The following PGLYRP3 variants were observed in gnomAD, a reference collection of about 807,000 sequenced individuals.
The protein encoded by PGLYRP3 is peptidoglycan recognition protein 3, also known as peptidoglycan recognition protein I alpha.
A neutral mutation model predicts 36.0 loss-of-function variants in PGLYRP3; 39 were observed. The ratio of observed to expected loss-of-function variants is 1.08; its 90% confidence interval spans 0.84 to 1.41. PGLYRP3 has a LOEUF of 1.41. Ranked by LOEUF, PGLYRP3 falls within the 40% of genes most tolerant of loss-of-function variation. The pLI is 0.00. For synonymous variants in PGLYRP3, 204 were observed against 172.8 expected, an observed-to-expected ratio of 1.18 and a Z score of -1.42; for missense variants, 407 against 427.9, an observed-to-expected ratio of 0.95 and a Z score of 0.43.
chr1:153,302,327 G>A (rs1659616588), intron 6 of PGLYRP3, 82 bp downstream of exon 6: 1 of 1,479,442 alleles, frequency 6.8e-7, no homozygotes. Context: ...GAGAGGCTCA[G>A]GAAACATCAG....
Position 153,297,581 on chromosome 1 carries a change from GAAGAAAGA to G in PGLYRP3, c.*367_*374del, listed in dbSNP as rs202027575. Among the ~76,000 whole-genome samples, 17 of 48,466 alleles carry G rather than the reference GAAGAAAGA, an allele frequency of 3.5e-4. No homozygotes were observed. The highest frequency in any genetic ancestry group is 2.3e-3 in the East Asian group (8 of 3,518). The allele number at this position is 48,466 out of a possible 152,430, so 31.8% of individuals were successfully genotyped here. A position where few individuals can be genotyped will look rare whatever the true frequency, so the allele number is the denominator to read the frequency against. On this transcript the variant is annotated 3_prime_UTR_variant, in exon 8 of 8. Coordinates refer to ENST00000683862, the MANE Select transcript of PGLYRP3 (RefSeq NM_052891.3). ...AAAGAAAAAGAAAGAAAGAAAGAAAGAAGAAAGAAAGAAAGAAAGAAAGAGAAAGGAAG... is the reference window on the plus strand; with the variant it reads ...AAAGAAAAAGAAAGAAAGAAAGAAAGAAGAAAGAAAGAAAGAGAAAGGAAG...
intron 1 of PGLYRP3, among the ~76,000 whole-genome samples, chr1:153,311,750 G>T (rs1008641825): frequency 6.6e-6 from 1 of 152,154 alleles, no homozygotes; most frequent in African/African-American, 2.4e-5. Context: ...TTGCCCTCCA[G>T]GGTTTTTAAA....
chr1:153,298,602 C>T (rs1372108573), intron 7 of PGLYRP3, among the ~76,000 whole-genome samples: 6 of 152,060 alleles, frequency 3.9e-5, no homozygotes, highest in African/African-American at 7.2e-5. Context: ...GACATCACGC[C>T]GCTGCACTCC....
chr1:153,300,834 G>C (rs1303256921), intron 6 of PGLYRP3, among the ~76,000 whole-genome samples: 4 of 152,220 alleles, frequency 2.6e-5, no homozygotes, highest in Admixed American at 6.5e-5. Context: ...GGATATGCCT[G>C]TGGTTCCTGT....
At chr1:153,299,906 G>C (rs988086907) in intron 6 of PGLYRP3, among the ~76,000 whole-genome samples, 1 of 152,068 alleles carries the variant, frequency 6.6e-6, no homozygotes, top group Non-Finnish European at 1.5e-5. Flanking sequence ...CTTCTTTCTA[G>C]ACCAACTGCC....
rs1286090148 is a variant in PGLYRP3 at position 153,297,131 on chromosome 1, A to T, written c.*825T>A. Among the ~76,000 whole-genome samples, 1 of 152,178 alleles carries T rather than the reference A, an allele frequency of 6.6e-6. No homozygotes were observed. The highest frequency in any genetic ancestry group is 1.5e-5 in the Non-Finnish European group (1 of 68,036). On this transcript the variant is annotated 3_prime_UTR_variant, in exon 8 of 8. Coordinates refer to ENST00000683862, the MANE Select transcript of PGLYRP3 (RefSeq NM_052891.3). Reference sequence around the variant, plus strand: ...GGGACCTGGGTCCACTCATTCATTTATTCATCCATTTCTTTAACAAACATC... The same window carrying T: ...GGGACCTGGGTCCACTCATTCATTTTTTCATCCATTTCTTTAACAAACATC...
chr1:153,299,042 G>A lies in PGLYRP3; in HGVS notation c.847+71C>T, dbSNP rs1358375968. 65 of 1,309,632 alleles carry A rather than the reference G, an allele frequency of 5.0e-5. 1 individual carries two copies. In the South Asian group the frequency reaches 5.3e-4, roughly 11 times the overall value. The allele number at this position is 1,309,632 out of a possible 1,614,324, so 81.1% of individuals were successfully genotyped here. On this transcript the variant is annotated intron_variant, in intron 7 of 7. Coordinates refer to ENST00000683862, the MANE Select transcript of PGLYRP3 (RefSeq NM_052891.3). ...CAGGCACTACAGGGCTGCCTTTCCC[G>A]CCATGCTTCCCAGACATGCTGCATG... is the stretch of plus-strand genomic sequence containing the variant.
rs1659673239 is a variant in PGLYRP3, at chr1:153,304,028, G to A, written c.377-19C>T. 2.5e-6 allele frequency: 4 copies of A among 1,599,172 alleles called. No homozygotes were observed. The highest frequency in any genetic ancestry group is 1.3e-5 in the African/African-American group (1 of 74,420). ...CTGCTGCCTTAAAGAGGAGGACAGG[G>A]AGCACAAAAATGTCAGTAAGAAACT... is the stretch of plus-strand genomic sequence containing the variant. On this transcript the variant is annotated intron_variant, in intron 4 of 7. Transcript: ENST00000683862.
chr1:153,307,910 C>A, intron 2 of PGLYRP3, among the ~76,000 whole-genome samples: 1 of 152,102 alleles, frequency 6.6e-6, no homozygotes, highest in East Asian at 1.9e-4. Context: ...GCCCCAGGAG[C>A]GCTCTGAGGG....
At position 153,298,013 on chromosome 1, in the gene PGLYRP3, C is replaced by A; in HGVS notation, c.969G>T (p.Leu323=). 1 of 1,614,022 alleles carries A rather than the reference C, an allele frequency of 6.2e-7. No homozygotes were observed. Among genetic ancestry groups the A allele is most frequent in the Non-Finnish European group, 8.5e-7 (1 of 1,180,006 alleles). The change falls in exon 8 of 8, where the codon CTG becomes CTT. Residue 323 remains leucine (L), a synonymous_variant. Transcript: ENST00000683862. The stretch of plus-strand genomic sequence containing the variant: ...TGTTATACAAAGCCTGCCCAGGGGA[C>A]AGGATGTTGACCACGTCACTGTGGC... ...LMGHSDVVNI[L]SPGQALYNII... is the part of the protein sequence containing the mutation.
At chr1:153,301,590 G>A (rs1659599887) in intron 6 of PGLYRP3, among the ~76,000 whole-genome samples, 1 of 152,208 alleles carries the variant, frequency 6.6e-6, no homozygotes, top group African/African-American at 2.4e-5. Context: ...GGAAAATCCT[G>A]CAAAGTGAAG....
In PGLYRP3 at chr1:153,297,944, G is replaced by A; in HGVS notation, c.*12C>T. On this transcript the variant is annotated 3_prime_UTR_variant, in exon 8 of 8. Transcript: ENST00000683862. ...GGGAGGGAGGGCAGTCTCAAAGGGAGTGGGGCCTCCTTCAGTGCTTGAAAT... is the reference window on the plus strand; with the variant it reads ...GGGAGGGAGGGCAGTCTCAAAGGGAATGGGGCCTCCTTCAGTGCTTGAAAT... The A allele has an allele frequency of 1.2e-6, 2 of 1,613,040 alleles. No individual in the cohort carries two copies. Among genetic ancestry groups the A allele is most frequent in the Non-Finnish European group, 1.7e-6 (2 of 1,179,288 alleles).
At chr1:153,304,164 G>A (rs1038397626) in intron 4 of PGLYRP3, among the ~76,000 whole-genome samples, 155 bp from the exon 5 acceptor site, 10 of 152,198 alleles carry the variant, frequency 6.6e-5, no homozygotes, top group African/African-American at 2.2e-4. Context: ...CCTAAGAGGC[G>A]AGAAGCTACC....
chr1:153,301,383 A>G (rs1659593924), intron 6 of PGLYRP3, among the ~76,000 whole-genome samples: 1 of 152,260 alleles, frequency 6.6e-6, no homozygotes, highest in South Asian at 2.1e-4. Context: ...TCAGGGTTAC[A>G]GGTGACATAT....
rs1659478410 is a variant in PGLYRP3 at position 153,297,879 on chromosome 1, T to C, written c.*77A>G. ...GGCAGGGGAGGGGGACACAAGGTGC[T>C]GAGCCACCTTGGCTGGTGAGGGTTG... On this transcript the variant is annotated 3_prime_UTR_variant, in exon 8 of 8. Coordinates refer to ENST00000683862, the MANE Select transcript of PGLYRP3 (RefSeq NM_052891.3). 2 of 1,509,108 alleles carry C rather than the reference T, an allele frequency of 1.3e-6. No homozygotes were observed. The highest frequency in any genetic ancestry group is 9.1e-7 in the Non-Finnish European group (1 of 1,102,224). 93.5% of individuals were successfully genotyped at this position (1,509,108 alleles called of 1,614,324 possible).
At chr1:153,302,768 G>C (rs1191097184) in intron 5 of PGLYRP3, among the ~76,000 whole-genome samples, 161 bp from the exon 6 acceptor site, 1 of 152,228 alleles carries the variant, frequency 6.6e-6, no homozygotes, top group Non-Finnish European at 1.5e-5. Flanking sequence ...GGGAAGTCCA[G>C]TTGGGAGGTT....
intron 1 of PGLYRP3, among the ~76,000 whole-genome samples, chr1:153,312,128 A>G (rs1480023456): frequency 1.3e-5 from 2 of 152,162 alleles, no homozygotes; most frequent in Non-Finnish European, 2.9e-5. Flanking sequence ...AGTATGGCAA[A>G]TCCTGCCCCA....
At chr1:153,302,668 C>T in intron 5 of PGLYRP3, 61 bp from the exon 6 acceptor site, 3 of 1,513,058 alleles carry the variant, frequency 2.0e-6, no homozygotes, top group African/African-American at 1.4e-5. Context: ...TGAGCAATCA[C>T]TCAACTCCAG....
intron 5 of PGLYRP3, among the ~76,000 whole-genome samples, chr1:153,303,469 C>T (rs151285898): frequency 6.6e-6 from 1 of 152,308 alleles, no homozygotes; most frequent in East Asian, 1.9e-4. Context: ...ACATCATATA[C>T]ATTTCTTTGT....
Sources: allele counts gnomAD v4.1 joint callset (sites outside exome capture counted in the v4.1 genomes callset), GRCh38; gene constraint gnomAD v4.1.1; transcripts MANE v1.5; gene names NCBI Gene and HGNC (gene_info 2026-07-23, HGNC 2026-07-21).